Variants in LTBP2 observed in about 807,000 individuals in gnomAD.
LTBP2 encodes the protein latent transforming growth factor beta binding protein 2, also known as latent-transforming growth factor beta-binding protein 2.
LTBP2 carries 103 observed loss-of-function variants against 210.6 expected under a neutral mutation model. The observed-to-expected ratio is 0.49, with a 90% CI of 0.42 to 0.58. LTBP2 has a LOEUF of 0.58. Among genes scored for constraint, LTBP2 ranks in the 20% least tolerant of loss-of-function variants. The pLI is 0.00. For synonymous variants in LTBP2, 1,007 were observed against 1,015.0 expected, an observed-to-expected ratio of 0.99 and a Z score of 0.15; for missense variants, 2,313 against 2,494.5, an observed-to-expected ratio of 0.93 and a Z score of 1.55.
intron 8 of LTBP2, among the ~76,000 whole-genome samples, chr14:74,539,185 C>T (rs542200327): frequency 6.6e-6 from 1 of 152,324 alleles, no homozygotes; most frequent in African/African-American, 2.4e-5. Flanking sequence ...AGGCAGGGAC[C>T]GTCATCCCCA....
Position 74,611,355 on chromosome 14 carries a change from A to T in LTBP2, c.494+96T>A. The T allele has an allele frequency of 3.0e-6, 4 of 1,313,788 alleles. No homozygotes were observed. The East Asian group carries it at 8.3e-5, about 27-fold the overall frequency. 81.4% of individuals were successfully genotyped at this position (1,313,788 alleles called of 1,614,324 possible). On this transcript the variant is annotated intron_variant, in intron 1 of 35. Transcript: ENST00000261978. ...GTACTAAAGACAGAGGGACGAGGGT[A>T]TGAGAGCGGCGCCCTCTCCTCTCGC...
chr14:74,522,807 C>T lies in LTBP2; in HGVS notation c.2642G>A (p.Ser881Asn). The change falls in exon 16 of 36, where the codon AGC (serine) becomes AAC (asparagine). Residue 881 changes from serine to asparagine, a missense_variant. This residue lies in a region of LTBP2 where 1,867 missense variants were observed against 1,976.9 expected (regional missense o/e 0.94). Transcript: ENST00000261978. ...VCSPGYQLHP[S>N]QAYCTDDNEC... ...GTGAATACCTGTGCAGTAGGCCTGG[C>T]TGGGGTGCAGCTGGTAGCCAGGGCT... 6.2e-7 allele frequency: 1 copy of T among 1,611,314 alleles called. No homozygotes were observed. The highest frequency in any genetic ancestry group is 1.7e-5 in the Admixed American group (1 of 59,812).
intron 3 of LTBP2, among the ~76,000 whole-genome samples, chr14:74,581,816 C>T (rs1027143138): frequency 9.9e-5 from 15 of 151,938 alleles, no homozygotes; most frequent in African/African-American, 2.4e-4. Flanking sequence ...CCATAGAAAA[C>T]GAATACAGTG....
intron 35 of LTBP2, 116 bp downstream of exon 35, chr14:74,501,325 G>T: frequency 6.7e-7 from 1 of 1,484,910 alleles, no homozygotes. Flanking sequence ...TTCCCTTCCA[G>T]CCTGATGCAG....
intron 15 of LTBP2, 59 bp from the exon 16 acceptor site, chr14:74,522,977 G>A (rs2087227674): frequency 5.1e-6 from 8 of 1,580,624 alleles, no homozygotes; most frequent in Admixed American, 1.8e-5. Flanking sequence ...CAAAGGCAGT[G>A]GAGCGGGGTG....
intron 14 of LTBP2, among the ~76,000 whole-genome samples, chr14:74,525,680 C>T (rs3815328): frequency 0.28 from 43,218 of 152,186 alleles, 6,604 homozygotes; most frequent in East Asian, 0.37. Flanking sequence ...TGAGCTCAGC[C>T]TTCCAATGTC....
At chr14:74,530,271 C>T (rs945360013) in intron 10 of LTBP2, among the ~76,000 whole-genome samples, 1 of 152,184 alleles carries the variant, frequency 6.6e-6, no homozygotes, top group Non-Finnish European at 1.5e-5. Flanking sequence ...GGGCACTTAA[C>T]CAAGGAGGCC....
intron 18 of LTBP2, among the ~76,000 whole-genome samples, chr14:74,512,768 T>C (rs974503511): frequency 1.3e-5 from 2 of 152,228 alleles, no homozygotes; most frequent in African/African-American, 2.4e-5. Flanking sequence ...GGCGCATCTC[T>C]GGCAAGAGGG....
chr14:74,520,079 A>G (rs2087182432), intron 17 of LTBP2, among the ~76,000 whole-genome samples: 1 of 152,098 alleles, frequency 6.6e-6, no homozygotes, highest in South Asian at 2.1e-4. Context: ...CACTCAAGAC[A>G]TTTCCCACAC....
chr14:74,505,915 G>C, intron 28 of LTBP2, 133 bp downstream of exon 28: 1 of 1,269,160 alleles, frequency 7.9e-7, no homozygotes, highest in Non-Finnish European at 1.1e-6. Context: ...GGCCCCGCCT[G>C]CACCTCCCTA....
chr14:74,592,237 G>A lies in LTBP2; in HGVS notation c.566-6119C>T, dbSNP rs183579087. ...GAGGCTATTGCTTAGAGCAAAGAAG[G>A]AAACGCTGAGGTCCCAGGAGAGGCA... On this transcript the variant is annotated intron_variant, in intron 2 of 35. Coordinates refer to ENST00000261978, the MANE Select transcript of LTBP2 (RefSeq NM_000428.3). Among the ~76,000 whole-genome samples the A allele has an allele frequency of 3.5e-3, 540 of 152,354 alleles. 2 individuals carry two copies. The highest frequency in any genetic ancestry group is 0.017 in the Middle Eastern group (5 of 294).
intron 1 of LTBP2, among the ~76,000 whole-genome samples, chr14:74,604,554 CTTTT>C (rs779089868): frequency 7.0e-6 from 1 of 142,360 alleles, no homozygotes; most frequent in East Asian, 2.0e-4. Context: ...TCAACTACTC[CTTTT>C]TTTTTTTTTT....
chr14:74,605,911 T>C (rs1028646258), intron 1 of LTBP2, among the ~76,000 whole-genome samples: 1 of 152,110 alleles, frequency 6.6e-6, no homozygotes, highest in African/African-American at 2.4e-5. Context: ...CAAGAGAGAT[T>C]CAGGTCCCCA....
At chr14:74,564,045 A>T (rs1490271754) in intron 3 of LTBP2, among the ~76,000 whole-genome samples, 1 of 60,948 alleles carries the variant, frequency 1.6e-5, no homozygotes, top group Non-Finnish European at 2.9e-5. Flanking sequence ...TTATATATAT[A>T]TATTTATATA....
At chr14:74,578,092 G>A (rs897140001) in intron 3 of LTBP2, among the ~76,000 whole-genome samples, 5 of 152,044 alleles carry the variant, frequency 3.3e-5, no homozygotes, top group South Asian at 2.1e-4. Context: ...GCTGGAGCAG[G>A]AGCCAGGCTC....
chr14:74,541,633 G>A (rs2087509718), intron 8 of LTBP2, among the ~76,000 whole-genome samples: 1 of 152,092 alleles, frequency 6.6e-6, no homozygotes, highest in Non-Finnish European at 1.5e-5. Flanking sequence ...ATAAATTTGT[G>A]AAAAGCCTTA....
Position 74,612,109 on chromosome 14 carries a change from G to A in LTBP2, c.-165C>T. 4 of 695,750 alleles carry A rather than the reference G, an allele frequency of 5.7e-6. No individual in the cohort carries two copies. Among genetic ancestry groups the A allele is most frequent in the Non-Finnish European group, 8.7e-6 (4 of 457,730 alleles). The allele number at this position is 695,750 out of a possible 1,614,324, so 43.1% of individuals were successfully genotyped here. On this transcript the variant is annotated 5_prime_UTR_variant, in exon 1 of 36. Transcript: ENST00000261978. ...CTGGGGGCCCGGCTCTCGGCGGAAC[G>A]AGGGCTGCGCGCCCCGAGCCTCGAG...
intron 3 of LTBP2, among the ~76,000 whole-genome samples, chr14:74,564,386 T>TA (rs375350550): frequency 6.5e-5 from 5 of 77,408 alleles, no homozygotes; most frequent in South Asian, 3.3e-4. Flanking sequence ...TATATTTATA[T>TA]TTTATATATT....
chr14:74,557,281 A>AACAAG (rs2087742054), intron 3 of LTBP2, among the ~76,000 whole-genome samples: 1 of 152,122 alleles, frequency 6.6e-6, no homozygotes. Context: ...AACAAAACAA[A>AACAAG]AACTTTAGGA....
Sources: gnomAD v4.1 joint callset for allele counts (sites outside exome capture counted in the v4.1 genomes callset) on GRCh38, gnomAD v4.1.1 for gene constraint, gnomAD v4.1.1 regional missense constraint, MANE v1.5 for transcripts, NCBI Gene and HGNC (gene_info 2026-07-23, HGNC 2026-07-21) for gene names.